CDC45: variants seen among roughly 807,000 people sequenced by gnomAD.
CDC45 encodes the protein cell division cycle 45, also known as cell division control protein 45 homolog.
In CDC45, 54 loss-of-function variants were observed where a neutral mutation model predicts 77.8. The ratio of observed to expected loss-of-function variants is 0.69; its 90% CI spans 0.56 to 0.87. The LOEUF is 0.87. Ranked by LOEUF, CDC45 falls within the 40% of genes least tolerant of loss-of-function variation. The probability of loss-of-function intolerance (pLI) is 0.00; values close to 1 mark genes in which losing one functional copy is unlikely to be tolerated. For synonymous variants in CDC45, 260 were observed against 272.1 expected (o/e 0.96, Z 0.44); for missense variants, 649 against 721.6 (o/e 0.90, Z 1.15).
chr22:19,493,990 C>T (rs961071091), intron 5 of CDC45, among the ~76,000 whole-genome samples: 1 of 152,160 alleles, frequency 6.6e-6, no homozygotes, highest in Non-Finnish European at 1.5e-5. Flanking sequence ...GAAGCTGGTA[C>T]AAAGTGGGTG....
At chr22:19,518,342 G>T (rs1933915757) in intron 17 of CDC45, among the ~76,000 whole-genome samples, 1 of 152,210 alleles carries the variant, frequency 6.6e-6, no homozygotes, top group African/African-American at 2.4e-5. Context: ...CCCATCCTGG[G>T]GCCTGGTTTT....
At chr22:19,491,543 G>A (rs947519387) in intron 5 of CDC45, among the ~76,000 whole-genome samples, 21 of 151,696 alleles carry the variant, frequency 1.4e-4, no homozygotes, top group African/African-American at 4.8e-4. Flanking sequence ...TCTGGCTGCC[G>A]TGATTTCTCA....
Position 19,501,326 on chromosome 22 carries a change from A to T in CDC45, c.704+2175A>T, listed in dbSNP as rs193214375. 3.4e-3 allele frequency among the ~76,000 whole-genome samples: 514 copies of T among 152,308 alleles called. 1 individual carries two copies. The highest frequency in any genetic ancestry group is 5.7e-3 in the Non-Finnish European group (390 of 68,018). Reference sequence around the variant, plus strand: ...CAAGTGGCCACTGGGCTCCATTGAAATATGGGCTGTTGCTGGTGCCCTGCC... The same window carrying T: ...CAAGTGGCCACTGGGCTCCATTGAATTATGGGCTGTTGCTGGTGCCCTGCC... On this transcript the variant is annotated intron_variant, in intron 9 of 18. Transcript: ENST00000263201.
chr22:19,493,631 A>G (rs1204196191), intron 5 of CDC45, among the ~76,000 whole-genome samples: 3 of 151,910 alleles, frequency 2.0e-5, no homozygotes, highest in Admixed American at 2.0e-4. Context: ...TTAAGTAGAG[A>G]CGGGGTTTTA....
intron 4 of CDC45, 98 bp downstream of exon 4, chr22:19,482,925 G>T: frequency 1.8e-6 from 2 of 1,082,800 alleles, no homozygotes; most frequent in Non-Finnish European, 2.8e-6. Context: ...TGACTACCCT[G>T]TGGGACTGGG....
intron 6 of CDC45, chr22:19,494,664 G>A (rs2090211795): frequency 2.8e-6 from 3 of 1,069,018 alleles, no homozygotes; most frequent in South Asian, 2.7e-5. Context: ...TTTTTCCAAT[G>A]TAGATACTTT....
chr22:19,498,428 C>T (rs912733122), intron 8 of CDC45, among the ~76,000 whole-genome samples: 18 of 152,240 alleles, frequency 1.2e-4, no homozygotes, highest in Non-Finnish European at 1.3e-4. Flanking sequence ...GTCCGCTGTG[C>T]GGGCTGCACC....
chr22:19,494,774 C>T lies in CDC45; in HGVS notation c.542+392C>T, dbSNP rs13447214. Among the ~76,000 whole-genome samples the T allele has an allele frequency of 0.014, 2,074 of 152,282 alleles. 56 individuals carry two copies. Among genetic ancestry groups the T allele is most frequent in the African/African-American group, 0.046 (1,929 of 41,538 alleles). On this transcript the variant is annotated intron_variant, in intron 6 of 18. Coordinates refer to ENST00000263201, the MANE Select transcript of CDC45 (RefSeq NM_003504.5). ...GCAGCAGCGCCCTTGAGGTGGGTCC[C>T]GGGGGAAGCCCTTGCTGGATCTCTC...
At chr22:19,491,402 C>T (rs2146357085) in intron 5 of CDC45, among the ~76,000 whole-genome samples, 1 of 151,608 alleles carries the variant, frequency 6.6e-6, no homozygotes, top group Non-Finnish European at 1.5e-5. Flanking sequence ...GAGATAAATT[C>T]CCTTAGTTTT....
chr22:19,507,250 C>A, intron 10 of CDC45, 136 bp from the exon 11 acceptor site: 2 of 1,016,690 alleles, frequency 2.0e-6, no homozygotes, highest in Non-Finnish European at 2.9e-6. Flanking sequence ...GGCTCCAGGT[C>A]ACTCTTGGGA....
chr22:19,511,804 G>A (rs1933527942), intron 13 of CDC45, among the ~76,000 whole-genome samples: 1 of 151,858 alleles, frequency 6.6e-6, no homozygotes, highest in Admixed American at 6.6e-5. Flanking sequence ...TGTGCTTTTG[G>A]TGTCATATCT....
intron 3 of CDC45, 108 bp from the exon 4 acceptor site, chr22:19,482,582 A>G (rs2090000038): frequency 4.0e-6 from 5 of 1,235,054 alleles, no homozygotes; most frequent in Non-Finnish European, 5.6e-6. Context: ...GGGCCTCGCC[A>G]CATGTCAGGG....
intron 7 of CDC45, among the ~76,000 whole-genome samples, chr22:19,496,232 T>C (rs1270064109): frequency 1.3e-5 from 2 of 152,190 alleles, no homozygotes; most frequent in African/African-American, 4.8e-5. Context: ...AGAATAATCC[T>C]CATTTCAGAG....
intron 10 of CDC45, among the ~76,000 whole-genome samples, chr22:19,506,602 G>T (rs1024588538): frequency 6.6e-6 from 1 of 152,152 alleles, no homozygotes; most frequent in Non-Finnish European, 1.5e-5. Context: ...TCACAACTGC[G>T]CTCACGGTGC....
At chr22:19,505,302 T>C in intron 9 of CDC45, 60 bp from the exon 10 acceptor site, 6 of 1,611,566 alleles carry the variant, frequency 3.7e-6, no homozygotes, top group Non-Finnish European at 4.2e-6. Flanking sequence ...AGCCTAGGCT[T>C]AGGCTGCCTG....
chr22:19,479,726 G>C (rs1266513485), upstream of CDC45: 2 of 653,450 alleles, frequency 3.1e-6, no homozygotes, highest in Non-Finnish European at 5.7e-6. Context: ...AACAGTGTTT[G>C]CGTTCGGCCT....
intron 9 of CDC45, 116 bp from the exon 10 acceptor site, chr22:19,505,246 C>T (rs1320423927): frequency 8.2e-7 from 1 of 1,217,502 alleles, no homozygotes; most frequent in Non-Finnish European, 1.2e-6. Context: ...ATGGGAACAG[C>T]TCCTGTGGTG....
At chr22:19,486,436 C>G (rs535429771) in intron 5 of CDC45, among the ~76,000 whole-genome samples, 16 of 152,292 alleles carry the variant, frequency 1.1e-4, no homozygotes, top group Admixed American at 9.2e-4. Context: ...TAACCTAGAA[C>G]CATACCTTAC....
Position 19,484,025 on chromosome 22 carries a change from A to G in CDC45, c.486+20A>G. ...GAAGAGGTGAGTTTGGGTCTCTCAC[A>G]GCTATCCCAGAGGAACTTGCACTCC... On this transcript the variant is annotated intron_variant, in intron 5 of 18. Coordinates refer to ENST00000263201, the MANE Select transcript of CDC45 (RefSeq NM_003504.5). 5.1e-6 allele frequency: 8 copies of G among 1,580,822 alleles called. No individual in the cohort carries two copies. The highest frequency in any genetic ancestry group is 6.8e-6 in the Non-Finnish European group (8 of 1,169,276).
Sources: gnomAD v4.1 joint callset for allele counts (sites outside exome capture counted in the v4.1 genomes callset) on GRCh38, gnomAD v4.1.1 for gene constraint, MANE v1.5 for transcripts, NCBI Gene and HGNC (gene_info 2026-07-23, HGNC 2026-07-21) for gene names.